Variants in EFNA5 observed in about 807,000 individuals in gnomAD.
The protein encoded by EFNA5 is ephrin A5, also known as ephrin-A5.
Under a neutral mutation model 22.9 loss-of-function variants are expected in EFNA5, and 5 were observed. The ratio of observed to expected loss-of-function variants is 0.22; its 90% CI spans 0.11 to 0.46. The LOEUF (loss-of-function observed/expected upper bound fraction) is 0.46. Among genes scored for constraint, EFNA5 ranks in the 20% least tolerant of loss-of-function variants. The pLI, the probability that EFNA5 is intolerant of heterozygous loss-of-function variation, is 0.99. For missense variants in EFNA5, 237 were observed against 293.3 expected, an observed-to-expected ratio of 0.81 and a Z score of 1.40; for synonymous variants, 113 against 112.2, an observed-to-expected ratio of 1.01 and a Z score of -0.04.
intron 1 of EFNA5, among the ~76,000 whole-genome samples, chr5:107,432,095 G>T (rs1479836862): frequency 6.6e-6 from 1 of 152,148 alleles, no homozygotes; most frequent in Non-Finnish European, 1.5e-5. Context: ...GCAACAAGGT[G>T]TCCCAGCCCT....
chr5:107,640,950 A>T (rs1561457170), intron 1 of EFNA5, among the ~76,000 whole-genome samples: 1 of 150,188 alleles, frequency 6.7e-6, no homozygotes, highest in East Asian at 2.0e-4. Flanking sequence ...CAATTTTAGC[A>T]ACCTGGTAGG....
intron 1 of EFNA5, among the ~76,000 whole-genome samples, chr5:107,626,547 T>C (rs1259574801): frequency 6.6e-6 from 1 of 152,158 alleles, no homozygotes; most frequent in Non-Finnish European, 1.5e-5. Context: ...CCCAAAGCCC[T>C]GGGACTGCAA....
At chr5:107,578,070 T>C (rs1748965082) in intron 1 of EFNA5, among the ~76,000 whole-genome samples, 1 of 152,226 alleles carries the variant, frequency 6.6e-6, no homozygotes, top group African/African-American at 2.4e-5. Flanking sequence ...GCTGAGTTTT[T>C]AATGGATTGT....
intron 1 of EFNA5, among the ~76,000 whole-genome samples, chr5:107,514,676 T>C (rs906892870): frequency 3.9e-5 from 6 of 152,112 alleles, no homozygotes; most frequent in African/African-American, 1.4e-4. Flanking sequence ...AAAAAAATTA[T>C]TCTTCAAAGG....
chr5:107,670,786 G>A lies in EFNA5; in HGVS notation c.-173C>T, dbSNP rs1214907510. Reference sequence around the variant, plus strand: ...GAGGCGCCCACCAAGCTGGGGAGGGGTAGGAGAGCGAGAAGAAAAGAAGGC... The same window carrying A: ...GAGGCGCCCACCAAGCTGGGGAGGGATAGGAGAGCGAGAAGAAAAGAAGGC... On this transcript the variant is annotated 5_prime_UTR_variant, in exon 1 of 5. Transcript: ENST00000333274. The A allele has an allele frequency of 1.2e-6, 1 of 843,398 alleles. No individual in the cohort carries two copies. The highest frequency in any genetic ancestry group is 1.7e-5 in the African/African-American group (1 of 57,896). The allele number at this position is 843,398 out of a possible 1,614,324, so 52.2% of individuals were successfully genotyped here. A position where few individuals can be genotyped will look rare whatever the true frequency, so the allele number is the denominator to read the frequency against.
rs538160501 is a variant in EFNA5 at position 107,670,925 on chromosome 5, C to A, written c.-312G>T. 40 of 274,890 alleles carry A rather than the reference C, an allele frequency of 1.5e-4. No homozygotes were observed. The highest frequency in any genetic ancestry group is 2.6e-4 in the Non-Finnish European group (39 of 147,544). 17.0% of individuals were successfully genotyped at this position (274,890 alleles called of 1,614,324 possible). A position where few individuals can be genotyped will look rare whatever the true frequency, so the allele number is the denominator to read the frequency against. On this transcript the variant is annotated 5_prime_UTR_variant, in exon 1 of 5. Transcript: ENST00000333274. The stretch of plus-strand genomic sequence containing the variant: ...GTGTGTGTGGTGGCGGCGGCGAGGG[C>A]GGGGGAAGAGGTGCCAAGCTGTGTC...
chr5:107,551,099 CT>C (rs1580525901), intron 1 of EFNA5, among the ~76,000 whole-genome samples: 1 of 152,176 alleles, frequency 6.6e-6, no homozygotes, highest in African/African-American at 2.4e-5. Context: ...TGCGTCCTAA[CT>C]CATTTCATAG....
chr5:107,488,083 G>A (rs992493731), intron 1 of EFNA5, among the ~76,000 whole-genome samples: 1 of 152,158 alleles, frequency 6.6e-6, no homozygotes, highest in Non-Finnish European at 1.5e-5. Context: ...AAAAATGGTG[G>A]TCTATTTAAA....
intron 1 of EFNA5, among the ~76,000 whole-genome samples, chr5:107,641,021 T>TAGAC (rs1554070907): frequency 0.11 from 11,854 of 111,628 alleles, 578 homozygotes; most frequent in Non-Finnish European, 0.14. Context: ...GATAGATAGA[T>TAGAC]AGACAGACAG....
At chr5:107,539,755 C>T (rs1035808140) in intron 1 of EFNA5, among the ~76,000 whole-genome samples, 1 of 152,144 alleles carries the variant, frequency 6.6e-6, no homozygotes, top group Admixed American at 6.5e-5. Context: ...CAAGCCACAG[C>T]GCCCGGCCAG....
At chr5:107,384,179 A>C (rs149511297) in intron 4 of EFNA5, among the ~76,000 whole-genome samples, 108 of 152,358 alleles carry the variant, frequency 7.1e-4, no homozygotes, top group Middle Eastern at 3.4e-3. Context: ...ATCCCAATGG[A>C]AACTACACCT....
At chr5:107,608,424 T>A (rs983909265) in intron 1 of EFNA5, among the ~76,000 whole-genome samples, 5 of 152,220 alleles carry the variant, frequency 3.3e-5, no homozygotes, top group African/African-American at 1.2e-4. Context: ...ATCGTAAAAA[T>A]TCACTGCTCA....
At chr5:107,609,213 G>T (rs971970644) in intron 1 of EFNA5, among the ~76,000 whole-genome samples, 1 of 152,094 alleles carries the variant, frequency 6.6e-6, no homozygotes, top group Non-Finnish European at 1.5e-5. Flanking sequence ...CTAATAAAAC[G>T]CACTTGGTTG....
chr5:107,400,408 G>A (rs1429883551), intron 2 of EFNA5, among the ~76,000 whole-genome samples: 1 of 152,068 alleles, frequency 6.6e-6, no homozygotes, highest in African/African-American at 2.4e-5. Flanking sequence ...TCAGGTCCTG[G>A]ATTACATGCT....
intron 1 of EFNA5, among the ~76,000 whole-genome samples, chr5:107,492,238 T>C (rs1363314470): frequency 8.5e-5 from 13 of 152,164 alleles, no homozygotes; most frequent in Admixed American, 8.5e-4. Context: ...ACAAAAACTT[T>C]TTAAAAATCT....
intron 1 of EFNA5, among the ~76,000 whole-genome samples, chr5:107,623,066 A>T (rs1750072783): frequency 6.9e-6 from 1 of 145,598 alleles, no homozygotes; most frequent in South Asian, 2.2e-4. Flanking sequence ...AAAGTTGAAT[A>T]CTCACAAGTA....
chr5:107,490,326 G>C (rs920930316), intron 1 of EFNA5, among the ~76,000 whole-genome samples: 2 of 152,058 alleles, frequency 1.3e-5, no homozygotes, highest in Non-Finnish European at 2.9e-5. Context: ...CAACTCCCTA[G>C]CTCATGGGAT....
At chr5:107,448,927 T>G (rs1749473608) in intron 1 of EFNA5, among the ~76,000 whole-genome samples, 1 of 152,026 alleles carries the variant, frequency 6.6e-6, no homozygotes, top group African/African-American at 2.4e-5. Flanking sequence ...TTGCAGCTCT[T>G]ACATATCACC....
intron 2 of EFNA5, among the ~76,000 whole-genome samples, chr5:107,424,381 A>ATT (rs35528582): frequency 6.4e-5 from 8 of 125,856 alleles, no homozygotes; most frequent in African/African-American, 1.5e-4. Flanking sequence ...TAATTTTTGT[A>ATT]TTTTTTTTTT....
Sources: allele counts gnomAD v4.1 joint callset (sites outside exome capture counted in the v4.1 genomes callset), GRCh38; gene constraint gnomAD v4.1.1; transcripts MANE v1.5; gene names NCBI Gene and HGNC (gene_info 2026-07-23, HGNC 2026-07-21).